C19orf38: variants seen among roughly 807,000 people sequenced by gnomAD.
The protein encoded by C19orf38 is protein HIDE1.
C19orf38 carries 14 observed loss-of-function variants against 26.6 expected under a neutral mutation model. That is an observed-to-expected ratio of 0.53 (90% CI 0.35 to 0.82). The LOEUF (loss-of-function observed/expected upper bound fraction) is 0.82. Ranked by LOEUF, C19orf38 falls within the 40% of genes least tolerant of loss-of-function variation. The pLI is 0.01. For synonymous variants in C19orf38, 132 were observed against 128.5 expected (o/e 1.03, Z -0.18); for missense variants, 261 against 299.5 (o/e 0.87, Z 0.95).
In C19orf38 at chr19:10,848,499, G is replaced by C; in HGVS notation, c.-10G>C. On this transcript the variant is annotated 5_prime_UTR_variant, in exon 1 of 7. Transcript: ENST00000397820. ...CCTCAGCCGGATTTCCCAGCCAAAC[G>C]CAGAGAGAGATGCCCTGGACCATCT... The C allele has an allele frequency of 6.4e-7, 1 of 1,551,614 alleles. No individual in the cohort carries two copies. Among genetic ancestry groups the C allele is most frequent in the Non-Finnish European group, 8.7e-7 (1 of 1,146,912 alleles).
intron 4 of C19orf38, among the ~76,000 whole-genome samples, chr19:10,859,348 GTATATATA>G (rs1164393634): frequency 1.4e-3 from 77 of 55,930 alleles, no homozygotes; most frequent in African/African-American, 4.9e-3. Context: ...GTGTGTGTGT[GTATATATA>G]TATATATATA....
chr19:10,862,835 A>G (rs1177541134), intron 5 of C19orf38, among the ~76,000 whole-genome samples: 1 of 151,840 alleles, frequency 6.6e-6, no homozygotes, highest in Non-Finnish European at 1.5e-5. Flanking sequence ...TCTCAAAAAC[A>G]AGAAAAAAAA....
At chr19:10,848,007 A>G (rs2073531811), upstream of C19orf38, among the ~76,000 whole-genome samples, 1 of 151,952 alleles carries the variant, frequency 6.6e-6, no homozygotes, top group Non-Finnish European at 1.5e-5. Flanking sequence ...CCTGGCCAAC[A>G]CAGCAAAACC....
chr19:10,839,987 G>A (rs567879321), intron 1 of C19orf38, among the ~76,000 whole-genome samples: 12 of 152,144 alleles, frequency 7.9e-5, no homozygotes, highest in African/African-American at 2.4e-4. Flanking sequence ...TGCCCAAAGC[G>A]CTGAGATTAC....
chr19:10,853,008 C>G (rs370630384), intron 2 of C19orf38, among the ~76,000 whole-genome samples: 3 of 137,604 alleles, frequency 2.2e-5, no homozygotes, highest in East Asian at 4.2e-4. Context: ...CCAAGGAGTT[C>G]AAGATCAGCC....
chr19:10,857,358 ATATATATATT>A (rs1250090617), intron 3 of C19orf38, among the ~76,000 whole-genome samples: 4 of 82,484 alleles, frequency 4.8e-5, no homozygotes, highest in Non-Finnish European at 8.2e-5. Context: ...ATATATATAT[ATATATATATT>A]TTTTTTTTTT....
At chr19:10,847,949 T>C (rs567163161), upstream of C19orf38, among the ~76,000 whole-genome samples, 2 of 151,886 alleles carry the variant, frequency 1.3e-5, no homozygotes, top group East Asian at 3.9e-4. Flanking sequence ...TCCCAGCACT[T>C]TGGGAGGCTG....
In C19orf38 at chr19:10,850,243, A is replaced by G; in HGVS notation, c.32-16A>G. ...CTCTCACCACGCACCCACCCACCTT[A>G]CCCTCTGCATTGCAGGCTCCTTGGC... On this transcript the variant is annotated splice_polypyrimidine_tract_variant and intron_variant, in intron 1 of 6. Coordinates refer to ENST00000397820, the MANE Select transcript of C19orf38 (RefSeq NM_001136482.3). 6.5e-7 allele frequency: 1 copy of G among 1,545,740 alleles called. No homozygotes were observed. The highest frequency in any genetic ancestry group is 2.4e-5 in the East Asian group (1 of 40,838).
intron 1 of C19orf38, among the ~76,000 whole-genome samples, chr19:10,841,131 G>A (rs2073474795): frequency 6.6e-6 from 1 of 150,934 alleles, no homozygotes; most frequent in South Asian, 2.2e-4. Context: ...GTTGTAGGAG[G>A]TTTTTTAAAC....
chr19:10,856,381 C>T, intron 3 of C19orf38, 24 bp downstream of exon 3: 4 of 1,534,974 alleles, frequency 2.6e-6, no homozygotes, highest in Non-Finnish European at 3.5e-6. Context: ...AAGCCTGGCA[C>T]ACAAGTTGCC....
chr19:10,867,845 G>A (rs1002677508), intron 6 of C19orf38, among the ~76,000 whole-genome samples: 1 of 151,322 alleles, frequency 6.6e-6, no homozygotes, highest in East Asian at 2.0e-4. Flanking sequence ...TAGAGATGGG[G>A]TTTCACCATG....
chr19:10,837,491 A>ATTTTTTTTTTTTTTTTTTTTTT (rs2073442639), intron 1 of C19orf38, among the ~76,000 whole-genome samples: 1 of 111,792 alleles, frequency 8.9e-6, no homozygotes, highest in African/African-American at 3.4e-5. Flanking sequence ...TTTTTTTTTT[A>ATTTTTTTTTTTTTTTTTTTTTT]ATTTTTTTTT....
rs1373707538 is a variant in C19orf38, at chr19:10,850,359, C to T, written c.132C>T (p.Phe44=). 1 of 1,551,082 alleles carries T rather than the reference C, an allele frequency of 6.4e-7. No homozygotes were observed. The highest frequency in any genetic ancestry group is 8.7e-7 in the Non-Finnish European group (1 of 1,146,826). ...TCGCATGCATGGCCCCTGGGAACTT[C>T]CCGGGGGCGAATTTCACACTGTATC... ...IHIACMAPGN[F]PGANFTLYRG... Residue 44 remains phenylalanine (F), a synonymous_variant, in exon 2 of 7, where the codon TTC becomes TTT. Transcript: ENST00000397820.
intron 5 of C19orf38, 38 bp from the exon 6 acceptor site, chr19:10,863,132 G>A: frequency 6.5e-7 from 1 of 1,544,566 alleles, no homozygotes; most frequent in South Asian, 1.2e-5. Flanking sequence ...GTTACAACTG[G>A]CCCCCAATCC....
chr19:10,839,731 CT>C (rs1235370560), intron 1 of C19orf38, among the ~76,000 whole-genome samples: 4,843 of 132,278 alleles, frequency 0.037, 69 homozygotes, highest in Non-Finnish European at 0.047. Flanking sequence ...TTCTTTTGTT[CT>C]TTTTTTTTTT....
chr19:10,856,185 T>C (rs1342691366), intron 2 of C19orf38, 80 bp from the exon 3 acceptor site: 12 of 1,116,832 alleles, frequency 1.1e-5, no homozygotes, highest in Non-Finnish European at 1.6e-5. Flanking sequence ...TTGGGGGTTA[T>C]GGGGTAAGGG....
At chr19:10,866,744 G>T (rs144073780) in intron 6 of C19orf38, among the ~76,000 whole-genome samples, 2 of 151,938 alleles carry the variant, frequency 1.3e-5, no homozygotes, top group Non-Finnish European at 2.9e-5. Context: ...GGGTTGAAGC[G>T]ATTCTCCCAC....
upstream of C19orf38, among the ~76,000 whole-genome samples, chr19:10,843,709 G>T (rs763940216): frequency 3.3e-5 from 5 of 152,158 alleles, no homozygotes; most frequent in African/African-American, 4.8e-5. Flanking sequence ...TCGCTGTCAG[G>T]TCAGATGATT....
At chr19:10,860,032 A>G (rs994588257) in intron 5 of C19orf38, 74 bp downstream of exon 5, 3 of 1,421,712 alleles carry the variant, frequency 2.1e-6, no homozygotes, top group Non-Finnish European at 2.9e-6. Flanking sequence ...CTCATCACAC[A>G]CCAATCAAAT....
Sources: allele counts gnomAD v4.1 joint callset (sites outside exome capture counted in the v4.1 genomes callset), GRCh38; gene constraint gnomAD v4.1.1; transcripts MANE v1.5; gene names NCBI Gene and HGNC (gene_info 2026-07-23, HGNC 2026-07-21).